KLHL1: variants seen among roughly 807,000 people sequenced by gnomAD.
KLHL1 encodes kelch-like protein 1.
A neutral mutation model predicts 77.7 loss-of-function variants in KLHL1; 47 were observed. That is an observed-to-expected ratio of 0.60 (90% confidence interval 0.48 to 0.77). The LOEUF is 0.77. Ranked by LOEUF, KLHL1 falls within the 30% of genes least tolerant of loss-of-function variation. The probability of loss-of-function intolerance (pLI) is 0.00; values close to 1 mark genes in which losing one functional copy is unlikely to be tolerated. For synonymous variants in KLHL1, 360 were observed against 325.2 expected (o/e 1.11, Z -1.15); for missense variants, 925 against 910.8 (o/e 1.02, Z -0.20).
intron 1 of KLHL1, among the ~76,000 whole-genome samples, chr13:70,024,102 G>A (rs1215817315): frequency 1.3e-5 from 2 of 151,632 alleles, no homozygotes; most frequent in African/African-American, 2.4e-5. Flanking sequence ...AGAGGAGATC[G>A]GGCACATTCA....
chr13:69,771,299 C>A (rs1023125481), intron 7 of KLHL1, among the ~76,000 whole-genome samples: 1 of 148,780 alleles, frequency 6.7e-6, no homozygotes, highest in Non-Finnish European at 1.5e-5. Flanking sequence ...AAAACATGCT[C>A]TTCTTCTTTG....
At chr13:69,897,758 A>T (rs1881700758) in intron 4 of KLHL1, among the ~76,000 whole-genome samples, 1 of 152,178 alleles carries the variant, frequency 6.6e-6, no homozygotes, top group African/African-American at 2.4e-5. Context: ...GCTGCCACTG[A>T]ATAACATGTC....
At chr13:69,831,204 A>G (rs749705501) in intron 6 of KLHL1, among the ~76,000 whole-genome samples, 9 of 150,200 alleles carry the variant, frequency 6.0e-5, no homozygotes, top group African/African-American at 7.5e-5. Context: ...CATTAGTGAG[A>G]TTAACCAAGA....
At chr13:70,061,074 T>C (rs996063255) in intron 1 of KLHL1, among the ~76,000 whole-genome samples, 2 of 152,068 alleles carry the variant, frequency 1.3e-5, no homozygotes, top group Non-Finnish European at 2.9e-5. Context: ...TACCACAGGC[T>C]GGGAGGGGTC....
chr13:69,807,067 C>A (rs141224170), intron 6 of KLHL1, among the ~76,000 whole-genome samples: 1 of 152,244 alleles, frequency 6.6e-6, no homozygotes, highest in Non-Finnish European at 1.5e-5. Flanking sequence ...CGAGTTTTGC[C>A]TTTGGCCTGA....
chr13:69,964,862 A>G lies in KLHL1; in HGVS notation c.681-3418T>C, dbSNP rs1045965738. ...AAACAACTGGGTCATCTCTTGGTCAATTTCCATTGACTGATTTTTGTTTGA... is the reference window on the plus strand; with the variant it reads ...AAACAACTGGGTCATCTCTTGGTCAGTTTCCATTGACTGATTTTTGTTTGA... On this transcript the variant is annotated intron_variant, in intron 2 of 10. Transcript: ENST00000377844. 2.6e-5 allele frequency among the ~76,000 whole-genome samples: 4 copies of G among 151,958 alleles called. No homozygotes were observed. The East Asian group carries it at 7.7e-4, about 29-fold the overall frequency.
intron 4 of KLHL1, among the ~76,000 whole-genome samples, chr13:69,885,134 G>T (rs1443205375): frequency 7.3e-6 from 1 of 137,378 alleles, no homozygotes; most frequent in African/African-American, 3.2e-5. Context: ...TAGAGACGGG[G>T]TTTCACCGTG....
intron 1 of KLHL1, among the ~76,000 whole-genome samples, chr13:70,016,591 AG>A (rs1885663443): frequency 6.6e-6 from 1 of 152,158 alleles, no homozygotes; most frequent in South Asian, 2.1e-4. Context: ...CTTCTGTTTC[AG>A]CCCCCTCTGA....
At position 70,107,434 on chromosome 13, in the gene KLHL1, AAGGAAGAGG is replaced by A; in HGVS notation, c.257_265del (p.Ser86_Ser88del). The A allele has an allele frequency of 1.2e-6, 2 of 1,611,310 alleles. No individual in the cohort carries two copies. Among genetic ancestry groups the A allele is most frequent in the Non-Finnish European group, 1.7e-6 (2 of 1,179,904 alleles). On this transcript the variant is annotated inframe_deletion, in exon 1 of 11. Transcript: ENST00000377844. Reference sequence around the variant, plus strand: ...AAGCAGGGTGCCATTCAGCGGATTGAAGGAAGAGGAGGAAGAGGACGGGGAGGACGATGA... The same window carrying A: ...AAGCAGGGTGCCATTCAGCGGATTGAAGGAAGAGGACGGGGAGGACGATGA...
At chr13:69,895,635 G>A (rs972506283) in intron 4 of KLHL1, among the ~76,000 whole-genome samples, 2 of 151,730 alleles carry the variant, frequency 1.3e-5, no homozygotes, top group East Asian at 1.9e-4. Flanking sequence ...TTCAGGTTTC[G>A]CCAAGTGAAA....
chr13:69,709,969 A>G (rs957618828), intron 9 of KLHL1, among the ~76,000 whole-genome samples: 5 of 151,838 alleles, frequency 3.3e-5, no homozygotes, highest in Admixed American at 3.3e-4. Flanking sequence ...TTCTGAATTC[A>G]TATTATCCTC....
intron 4 of KLHL1, among the ~76,000 whole-genome samples, chr13:69,911,107 GTCTT>G (rs1386595545): frequency 6.6e-6 from 1 of 151,990 alleles, no homozygotes; most frequent in Non-Finnish European, 1.5e-5. Flanking sequence ...TAATCAGTCT[GTCTT>G]TCTCTCTCTC....
At chr13:70,060,866 G>A (rs1886863783) in intron 1 of KLHL1, among the ~76,000 whole-genome samples, 1 of 151,790 alleles carries the variant, frequency 6.6e-6, no homozygotes, top group Non-Finnish European at 1.5e-5. Context: ...AAAAAATGTG[G>A]TATATATAAA....
At chr13:69,731,521 C>T (rs1022578592) in intron 8 of KLHL1, among the ~76,000 whole-genome samples, 1 of 152,076 alleles carries the variant, frequency 6.6e-6, no homozygotes, top group Non-Finnish European at 1.5e-5. Context: ...TGGAGTTTTT[C>T]TCAGCAACTA....
chr13:69,787,497 A>G (rs561427368), intron 7 of KLHL1, among the ~76,000 whole-genome samples: 81 of 152,374 alleles, frequency 5.3e-4, no homozygotes, highest in Middle Eastern at 6.8e-3. Context: ...TACACTTTAT[A>G]CAAAAATTAA....
intron 1 of KLHL1, among the ~76,000 whole-genome samples, chr13:70,026,805 C>G (rs1254089368): frequency 6.7e-6 from 1 of 150,362 alleles, no homozygotes; most frequent in Non-Finnish European, 1.5e-5. Context: ...AGAATCTGAA[C>G]TGTATGTTAA....
chr13:69,780,733 C>T (rs369099782), intron 7 of KLHL1, among the ~76,000 whole-genome samples: 5,462 of 40,546 alleles, frequency 0.13, 645 homozygotes, highest in Non-Finnish European at 0.2. Context: ...TATATATATA[C>T]ATATATATAT....
chr13:69,708,523 T>C (rs1875732212), intron 9 of KLHL1, among the ~76,000 whole-genome samples: 2 of 151,982 alleles, frequency 1.3e-5, no homozygotes, highest in Non-Finnish European at 2.9e-5. Context: ...CACAACTGGG[T>C]TTAGTGACAT....
chr13:70,011,814 C>A (rs1008153377), intron 1 of KLHL1, among the ~76,000 whole-genome samples: 1 of 152,080 alleles, frequency 6.6e-6, no homozygotes, highest in Non-Finnish European at 1.5e-5. Context: ...TTTGGGGGTT[C>A]CGTATTTGTC....
Sources: allele counts gnomAD v4.1 joint callset (sites outside exome capture counted in the v4.1 genomes callset), GRCh38; gene constraint gnomAD v4.1.1; transcripts MANE v1.5; gene names NCBI Gene and HGNC (gene_info 2026-07-23, HGNC 2026-07-21).